Variants in GTF3C1 observed in about 807,000 individuals in gnomAD.
GTF3C1 encodes general transcription factor IIIC subunit 1.
A neutral mutation model predicts 226.7 loss-of-function variants in GTF3C1; 57 were observed. The observed-to-expected ratio is 0.25, with a 90% CI of 0.20 to 0.31. The LOEUF (loss-of-function observed/expected upper bound fraction) is 0.31. Among genes scored for constraint, GTF3C1 ranks in the 10% least tolerant of loss-of-function variants. The pLI is 1.00. For synonymous variants in GTF3C1, 1,090 were observed against 1,084.8 expected (o/e 1.00, Z -0.09); for missense variants, 2,217 against 2,776.1 (o/e 0.80, Z 4.53).
At chr16:27,517,216 C>T (rs1326512282) in intron 6 of GTF3C1, among the ~76,000 whole-genome samples, 1 of 152,170 alleles carries the variant, frequency 6.6e-6, no homozygotes, top group African/African-American at 2.4e-5. Flanking sequence ...GGAAGGAGTT[C>T]CACCAGCCCT....
chr16:27,501,251 A>T lies in GTF3C1; in HGVS notation c.2001T>A (p.Ser667=). The change falls in exon 12 of 37, where the codon TCT becomes TCA. Residue 667 remains serine, a synonymous_variant. Coordinates refer to ENST00000356183, the MANE Select transcript of GTF3C1 (RefSeq NM_001520.4). The part of the protein sequence containing the change: ...KSIVRLVRNL[S]EEGLLRLYRT... ...GATACAATCGCAAGAGACCTTCCTCAGACAGGTTCCGCACCAAGCGGACAA... is the reference window on the plus strand; with the variant it reads ...GATACAATCGCAAGAGACCTTCCTCTGACAGGTTCCGCACCAAGCGGACAA... The T allele has an allele frequency of 6.2e-7, 1 of 1,614,166 alleles. No homozygotes were observed. The highest frequency in any genetic ancestry group is 1.1e-5 in the South Asian group (1 of 91,086).
intron 4 of GTF3C1, among the ~76,000 whole-genome samples, chr16:27,536,800 C>A (rs1052998237): frequency 5.3e-5 from 8 of 152,162 alleles, no homozygotes; most frequent in Non-Finnish European, 1.0e-4. Flanking sequence ...CTTCCCAGGC[C>A]CTGCACCAGC....
Position 27,464,344 on chromosome 16 carries a change from G to A in GTF3C1, c.5848C>T (p.Pro1950Ser), listed in dbSNP as rs1452571775. 2 of 1,536,196 alleles carry A rather than the reference G, an allele frequency of 1.3e-6. No individual in the cohort carries two copies. The highest frequency in any genetic ancestry group is 1.7e-6 in the Non-Finnish European group (2 of 1,145,922). Residue 1950 changes from proline to serine, a missense_variant, in exon 34 of 37, where the codon CCA becomes TCA. By Grantham distance (74) the Pro-to-Ser change is moderately conservative (BLOSUM62 -1). Around this residue, in one of 12 missense-constraint regions of GTF3C1, gnomAD observed 455 missense variants for 441.9 expected, o/e 1.03. Transcript: ENST00000356183. ...QEQLSGQAQPPEGSEDPRGFT... is the reference protein window; with the variant it reads ...QEQLSGQAQPSEGSEDPRGFT... ...CCTCTGGGGTCTTCAGAGCCCTCTG[G>A]AGGCTGCGCCTGGCCGCTCAGCTGC...
chr16:27,465,545 G>A lies in GTF3C1; in HGVS notation c.5075-5C>T, dbSNP rs1378895027. The A allele has an allele frequency of 6.3e-7, 1 of 1,593,648 alleles. No individual in the cohort carries two copies. Among genetic ancestry groups the A allele is most frequent in the African/African-American group, 1.3e-5 (1 of 74,862 alleles). ...TTAGCTCTTCCAGAGGAGCGGCTGT[G>A]GGGACACAGAGGAAGATCAGAGGCA... is the stretch of plus-strand genomic sequence containing the variant. On this transcript the variant is annotated splice_polypyrimidine_tract_variant and splice_region_variant and intron_variant, in intron 32 of 36. Coordinates refer to ENST00000356183, the MANE Select transcript of GTF3C1 (RefSeq NM_001520.4).
chr16:27,542,217 G>A (rs1036189768), intron 2 of GTF3C1, among the ~76,000 whole-genome samples: 2 of 152,190 alleles, frequency 1.3e-5, no homozygotes, highest in African/African-American at 4.8e-5. Flanking sequence ...AGAAAAGGCA[G>A]TACTATGGTT....
At chr16:27,498,795 A>T (rs960168522) in intron 12 of GTF3C1, 62 bp from the exon 13 acceptor site, 2 of 716,124 alleles carry the variant, frequency 2.8e-6, no homozygotes, top group African/African-American at 4.7e-5. Flanking sequence ...ACTTGGCTCC[A>T]CAGTCGATTC....
At chr16:27,516,340 C>G (rs1216101319) in intron 6 of GTF3C1, among the ~76,000 whole-genome samples, 1 of 152,250 alleles carries the variant, frequency 6.6e-6, no homozygotes, top group Non-Finnish European at 1.5e-5. Flanking sequence ...ACCCACAAGG[C>G]ACCCATGACC....
chr16:27,538,908 C>A (rs1176832986), intron 2 of GTF3C1, among the ~76,000 whole-genome samples: 1 of 151,850 alleles, frequency 6.6e-6, no homozygotes, highest in Non-Finnish European at 1.5e-5. Flanking sequence ...AGCCCCACCC[C>A]CACCATTTCC....
At position 27,501,261 on chromosome 16, in the gene GTF3C1, C is replaced by T. The variant is rs368004435; in HGVS notation, c.1991G>A (p.Arg664Gln). 21 of 1,613,936 alleles carry T rather than the reference C, an allele frequency of 1.3e-5. No homozygotes were observed. Among genetic ancestry groups the T allele is most frequent in the African/African-American group, 1.1e-4 (8 of 74,926 alleles). Residue 664 changes from arginine (R) to glutamine (Q), a missense_variant, in exon 12 of 37, where the codon CGG (arginine) becomes CAG (glutamine). By Grantham distance (43) the Arg-to-Gln change is conservative (BLOSUM62 1). Coordinates refer to ENST00000356183, the MANE Select transcript of GTF3C1 (RefSeq NM_001520.4). ...CCKKSIVRLV[R>Q]NLSEEGLLRL... ...CAAGAGACCTTCCTCAGACAGGTTCCGCACCAAGCGGACAATGGACTTCTT... is the reference window on the plus strand; with the variant it reads ...CAAGAGACCTTCCTCAGACAGGTTCTGCACCAAGCGGACAATGGACTTCTT...
At chr16:27,473,602 G>A (rs1567386853) in intron 29 of GTF3C1, among the ~76,000 whole-genome samples, 1 of 152,268 alleles carries the variant, frequency 6.6e-6, no homozygotes, top group Non-Finnish European at 1.5e-5. Flanking sequence ...GGGTGGGTCA[G>A]AGGAGAGAAG....
chr16:27,469,454 A>G lies in GTF3C1; in HGVS notation c.4911T>C (p.Pro1637=). The change falls in exon 32 of 37, where the codon CCT becomes CCC. Residue 1637 remains proline (P), a synonymous_variant. Coordinates refer to ENST00000356183, the MANE Select transcript of GTF3C1 (RefSeq NM_001520.4). The surrounding 1 kb of genome is among the most constrained non-coding windows in gnomAD (Gnocchi z 4.5). ...GGKRRSMEVK[P]AQASHTNYLL... ...GGTAGTTGGTGTGGGAGGCTTGCGC[A>G]GGTTTCACCTCCATGCTCCGGCGCT... 2 of 1,614,184 alleles carry G rather than the reference A, an allele frequency of 1.2e-6. No homozygotes were observed. Among genetic ancestry groups the G allele is most frequent in the Non-Finnish European group, 8.5e-7 (1 of 1,180,026 alleles).
At chr16:27,516,586 T>G (rs1029235501) in intron 6 of GTF3C1, among the ~76,000 whole-genome samples, 4 of 152,242 alleles carry the variant, frequency 2.6e-5, no homozygotes, top group Non-Finnish European at 5.9e-5. Flanking sequence ...GCTCTGCTCT[T>G]TCACAACATG....
chr16:27,480,310 A>G (rs190776383), intron 27 of GTF3C1, among the ~76,000 whole-genome samples: 1 of 152,252 alleles, frequency 6.6e-6, no homozygotes, highest in African/African-American at 2.4e-5. Flanking sequence ...AAACCATGCC[A>G]TTTTGGAATT....
chr16:27,504,885 C>T (rs1567401770), intron 10 of GTF3C1, among the ~76,000 whole-genome samples: 3 of 152,228 alleles, frequency 2.0e-5, no homozygotes, highest in South Asian at 2.1e-4. Flanking sequence ...GAGCCGAGCT[C>T]GTACCACTGC....
chr16:27,471,573 C>T lies in GTF3C1; in HGVS notation c.4526+175G>A. 1 of 592,494 alleles carries T rather than the reference C, an allele frequency of 1.7e-6. No homozygotes were observed. The highest frequency in any genetic ancestry group is 2.8e-5 in the East Asian group (1 of 36,212). The allele number at this position is 592,494 out of a possible 1,614,324, so 36.7% of individuals were successfully genotyped here. ...AAGCTGCCAGCGCTCACCTGATCCCCATACCACGAAGGAGGTAAGGGGCTG... is the reference window on the plus strand; with the variant it reads ...AAGCTGCCAGCGCTCACCTGATCCCTATACCACGAAGGAGGTAAGGGGCTG... On this transcript the variant is annotated intron_variant, in intron 30 of 36. Transcript: ENST00000356183. The surrounding 1 kb of genome is among the most constrained non-coding windows in gnomAD (Gnocchi z 5.0).
intron 17 of GTF3C1, 39 bp downstream of exon 17, chr16:27,493,160 G>T: frequency 9.5e-7 from 1 of 1,050,562 alleles, no homozygotes; most frequent in Non-Finnish European, 1.5e-6. Context: ...GGGTTTGTTT[G>T]GACCTGCGAC....
At position 27,494,756 on chromosome 16, in the gene GTF3C1, C is replaced by T. The variant is rs373336778; in HGVS notation, c.2778+7G>A. 2 of 1,608,706 alleles carry T rather than the reference C, an allele frequency of 1.2e-6. No individual in the cohort carries two copies. Among genetic ancestry groups the T allele is most frequent in the African/African-American group, 2.7e-5 (2 of 74,814 alleles). ...ATTCCTGTGATAATGGCTCCTGTCA[C>T]CAATACCTTGTAGCTGACTTGCACA... On this transcript the variant is annotated splice_region_variant and intron_variant, in intron 16 of 36. Transcript: ENST00000356183.
chr16:27,480,087 G>C (rs2088016374), intron 27 of GTF3C1, among the ~76,000 whole-genome samples: 1 of 151,776 alleles, frequency 6.6e-6, no homozygotes, highest in Admixed American at 6.6e-5. Flanking sequence ...TGTAGTCCCA[G>C]CTACTGGGCA....
chr16:27,524,203 C>A (rs1308278780), intron 6 of GTF3C1, among the ~76,000 whole-genome samples: 1 of 152,240 alleles, frequency 6.6e-6, no homozygotes, highest in Non-Finnish European at 1.5e-5. Flanking sequence ...AATGGGGCAG[C>A]TCCCTCTGCC....
Sources: gnomAD v4.1 joint callset for allele counts (sites outside exome capture counted in the v4.1 genomes callset) on GRCh38, gnomAD v4.1.1 for gene constraint, gnomAD v4.1.1 regional missense constraint, Gnocchi (gnomAD v3.1) non-coding constraint, MANE v1.5 for transcripts, NCBI Gene and HGNC (gene_info 2026-07-23, HGNC 2026-07-21) for gene names.